The following CCSER1 variants were observed in gnomAD, a reference collection of about 807,000 sequenced individuals.
The protein encoded by CCSER1 is coiled-coil serine rich protein 1, also known as serine-rich coiled-coil domain-containing protein 1.
In CCSER1, 41 loss-of-function variants were observed where a neutral mutation model predicts 82.0. That is an observed-to-expected ratio of 0.50 (90% CI 0.39 to 0.65). The LOEUF (loss-of-function observed/expected upper bound fraction) is 0.65, where lower values mean the gene tolerates loss of function less well. Among genes scored for constraint, CCSER1 ranks in the 30% least tolerant of loss-of-function variants. The pLI is 0.00. For missense variants in CCSER1, 1,119 were observed against 1,064.2 expected (o/e 1.05, Z -0.72); for synonymous variants, 414 against 383.9 (o/e 1.08, Z -0.92).
intron 8 of CCSER1, among the ~76,000 whole-genome samples, chr4:90,829,896 C>A (rs1760921473): frequency 6.6e-6 from 1 of 152,132 alleles, no homozygotes; most frequent in South Asian, 2.1e-4. Context: ...TATATGCATG[C>A]CTATCTGAGG....
intron 10 of CCSER1, among the ~76,000 whole-genome samples, chr4:91,383,562 A>C (rs1365296466): frequency 2.0e-5 from 3 of 152,120 alleles, no homozygotes; most frequent in Non-Finnish European, 4.4e-5. Context: ...GTTTAGGATA[A>C]ATAGTTCAAT....
chr4:91,121,966 G>T (rs10011529), intron 10 of CCSER1, among the ~76,000 whole-genome samples: 1 of 151,074 alleles, frequency 6.6e-6, no homozygotes, highest in Non-Finnish European at 1.5e-5. Flanking sequence ...CATATAAAAA[G>T]TCATTTTGGG....
intron 10 of CCSER1, among the ~76,000 whole-genome samples, chr4:91,333,049 T>C (rs2149278442): frequency 6.6e-6 from 1 of 152,200 alleles, no homozygotes; most frequent in African/African-American, 2.4e-5. Flanking sequence ...TAGATTTTTA[T>C]GCTTATGAGC....
chr4:90,649,077 G>C (rs981691463), intron 6 of CCSER1, among the ~76,000 whole-genome samples: 2 of 152,158 alleles, frequency 1.3e-5, no homozygotes, highest in Non-Finnish European at 2.9e-5. Context: ...TATTAAAATG[G>C]CCAAGAGGTT....
At chr4:90,650,211 C>T (rs530106976) in intron 6 of CCSER1, among the ~76,000 whole-genome samples, 15 of 149,678 alleles carry the variant, frequency 1.0e-4, no homozygotes, top group South Asian at 4.2e-4. Context: ...AGCAAGACTC[C>T]GTCTCAAAAA....
intron 1 of CCSER1, among the ~76,000 whole-genome samples, chr4:90,138,225 T>C (rs1303215257): frequency 6.6e-6 from 1 of 152,152 alleles, no homozygotes; most frequent in East Asian, 1.9e-4. Flanking sequence ...AAAGTCTTGC[T>C]CTGTCACGTA....
intron 10 of CCSER1, among the ~76,000 whole-genome samples, chr4:91,362,446 CT>C (rs1749311974): frequency 1.3e-5 from 2 of 151,708 alleles, no homozygotes; most frequent in African/African-American, 2.4e-5. Flanking sequence ...TATTGGAAGA[CT>C]TTTTTTGAGC....
intron 10 of CCSER1, among the ~76,000 whole-genome samples, chr4:91,379,065 A>G (rs1426385984): frequency 2.0e-5 from 3 of 152,032 alleles, no homozygotes; most frequent in African/African-American, 7.2e-5. Flanking sequence ...ATTGATTTGC[A>G]TATGTTGAAC....
Position 90,946,639 on chromosome 4 carries a change from A to AGAGAG in CCSER1, c.2172+23192_2172+23193insGAGAG, listed in dbSNP as rs1554048418. ...GACTGCACCTCAAAAAAAAAAAAAAAAGAGATTATAGAGGAGTAAATTATG... is the reference window on the plus strand; with the variant it reads ...GACTGCACCTCAAAAAAAAAAAAAAAGAGAGAGAGATTATAGAGGAGTAAATTATG... On this transcript the variant is annotated intron_variant, in intron 9 of 10. Coordinates refer to ENST00000509176, the MANE Select transcript of CCSER1 (RefSeq NM_001145065.2). 1.5e-4 allele frequency among the ~76,000 whole-genome samples: 23 copies of AGAGAG among 148,728 alleles called. 1 individual carries two copies. Among genetic ancestry groups the AGAGAG allele is most frequent in the Admixed American group, 6.0e-4 (9 of 14,950 alleles).
At chr4:90,346,851 A>C (rs1236815836) in intron 3 of CCSER1, among the ~76,000 whole-genome samples, 1 of 152,138 alleles carries the variant, frequency 6.6e-6, no homozygotes, top group Admixed American at 6.6e-5. Flanking sequence ...ATTAATAAAA[A>C]TAATAATGTA....
intron 5 of CCSER1, among the ~76,000 whole-genome samples, chr4:90,621,123 G>GT (rs935942658): frequency 1.3e-5 from 2 of 152,088 alleles, no homozygotes; most frequent in Admixed American, 6.6e-5. Flanking sequence ...CCGGCCACCA[G>GT]TGTTTTTTAC....
At chr4:90,322,511 G>A (rs914543337) in intron 3 of CCSER1, among the ~76,000 whole-genome samples, 1 of 152,106 alleles carries the variant, frequency 6.6e-6, no homozygotes, top group Non-Finnish European at 1.5e-5. Flanking sequence ...TTCTATATCT[G>A]TGAAGAATGT....
At chr4:91,034,716 C>T (rs62310987) in intron 9 of CCSER1, among the ~76,000 whole-genome samples, 6,420 of 152,200 alleles carry the variant, frequency 0.042, 177 homozygotes, top group Middle Eastern at 0.065. Flanking sequence ...ATCTAACTTA[C>T]ATCAAGATGT....
intron 8 of CCSER1, among the ~76,000 whole-genome samples, chr4:90,821,485 T>C (rs987090266): frequency 1.3e-5 from 2 of 152,170 alleles, no homozygotes; most frequent in Admixed American, 1.3e-4. Context: ...AAAATATAGG[T>C]TCTATTTATG....
At chr4:91,393,419 G>T (rs1485189196) in intron 10 of CCSER1, among the ~76,000 whole-genome samples, 1 of 151,958 alleles carries the variant, frequency 6.6e-6, no homozygotes, top group African/African-American at 2.4e-5. Flanking sequence ...AACTAAAATG[G>T]ATATTTTAAA....
chr4:91,035,135 T>C (rs1741323029), intron 9 of CCSER1, among the ~76,000 whole-genome samples: 1 of 151,966 alleles, frequency 6.6e-6, no homozygotes, highest in African/African-American at 2.4e-5. Flanking sequence ...AGAAGTGAGA[T>C]AAAATAAGAA....
chr4:91,562,527 T>G (rs998221044), intron 10 of CCSER1, among the ~76,000 whole-genome samples: 4 of 151,528 alleles, frequency 2.6e-5, no homozygotes, highest in African/African-American at 9.7e-5. Flanking sequence ...CATGCCAAAT[T>G]TAAATTTTAA....
chr4:90,306,790 A>G (rs142547415), intron 1 of CCSER1, among the ~76,000 whole-genome samples: 2 of 152,330 alleles, frequency 1.3e-5, no homozygotes, highest in Admixed American at 6.5e-5. Flanking sequence ...AGTCTGATTC[A>G]ATTTACAAAG....
At chr4:91,202,787 A>G (rs570243254) in intron 10 of CCSER1, among the ~76,000 whole-genome samples, 2 of 136,630 alleles carry the variant, frequency 1.5e-5, no homozygotes, top group African/African-American at 3.0e-5. Context: ...GTGCATATAT[A>G]TGTGTGTGTG....
Sources: allele counts gnomAD v4.1 joint callset (sites outside exome capture counted in the v4.1 genomes callset), GRCh38; gene constraint gnomAD v4.1.1; transcripts MANE v1.5; gene names NCBI Gene and HGNC (gene_info 2026-07-23, HGNC 2026-07-21).